The following CAMTA1 variants were observed in gnomAD, a reference collection of about 807,000 sequenced individuals.
CAMTA1 encodes calmodulin binding transcription activator 1, also known as calmodulin-binding transcription activator 1.
Under a neutral mutation model 170.9 loss-of-function variants are expected in CAMTA1, and 27 were observed. That is an observed-to-expected ratio of 0.16 (90% confidence interval 0.12 to 0.22). The LOEUF (loss-of-function observed/expected upper bound fraction) is 0.22, where lower values mean the gene tolerates loss of function less well. Among genes scored for constraint, CAMTA1 ranks in the 10% least tolerant of loss-of-function variants. The pLI is 1.00. For missense variants in CAMTA1, 1,619 were observed against 2,217.2 expected, an observed-to-expected ratio of 0.73 and a Z score of 5.42; for synonymous variants, 833 against 891.5, an observed-to-expected ratio of 0.93 and a Z score of 1.17.
chr1:7,005,491 T>G (rs919932054), intron 3 of CAMTA1, among the ~76,000 whole-genome samples: 1 of 152,258 alleles, frequency 6.6e-6, no homozygotes, highest in Non-Finnish European at 1.5e-5. Context: ...TGCTTTTCCC[T>G]TTCAAGAAAT....
At chr1:6,786,008 G>A (rs1639169672) in intron 1 of CAMTA1, among the ~76,000 whole-genome samples, 2 of 151,434 alleles carry the variant, frequency 1.3e-5, no homozygotes, top group South Asian at 4.1e-4. Context: ...TCCGCCTCGG[G>A]TCCTCCTGGC....
Position 7,443,067 on chromosome 1 carries a change from ACTT to A in CAMTA1, c.439-24759_439-24757del, listed in dbSNP as rs1202780239. The stretch of plus-strand genomic sequence containing the variant: ...TGCCCCTGCGCAGATCCTCCTCCTG[ACTT>A]CTTGGCCTCATTCACTCCAACAGAA... On this transcript the variant is annotated intron_variant, in intron 5 of 22. Transcript: ENST00000303635. This position sits in a 1 kb window ranked among gnomAD's most constrained non-coding sequence, Gnocchi z 4.1. Among the ~76,000 whole-genome samples the A allele has an allele frequency of 6.6e-6, 1 of 151,418 alleles. No individual in the cohort carries two copies. The highest frequency in any genetic ancestry group is 1.9e-4 in the East Asian group (1 of 5,178).
Position 7,736,630 on chromosome 1 carries a change from C to A in CAMTA1, c.3263+90C>A. 1 of 1,268,214 alleles carries A rather than the reference C, an allele frequency of 7.9e-7. No individual in the cohort carries two copies. The highest frequency in any genetic ancestry group is 1.1e-6 in the Non-Finnish European group (1 of 879,270). The allele number at this position is 1,268,214 out of a possible 1,614,324, so 78.6% of individuals were successfully genotyped here. On this transcript the variant is annotated intron_variant, in intron 13 of 22. Coordinates refer to ENST00000303635, the MANE Select transcript of CAMTA1 (RefSeq NM_015215.4). The surrounding 1 kb of genome is among the most constrained non-coding windows in gnomAD (Gnocchi z 4.5). ...CACTGCCACCCGTGGAAGAAATCTA[C>A]CCATTCAGTCCACTTTATAGCCGGC...
At chr1:7,663,134 T>C (rs770087677) in intron 8 of CAMTA1, among the ~76,000 whole-genome samples, 17 of 152,058 alleles carry the variant, frequency 1.1e-4, no homozygotes, top group Non-Finnish European at 2.2e-4. Context: ...TGGAGGAGGG[T>C]CAAAGGGGCG....
chr1:7,208,020 G>T (rs925954969), intron 4 of CAMTA1, among the ~76,000 whole-genome samples: 1 of 152,228 alleles, frequency 6.6e-6, no homozygotes, highest in Admixed American at 6.5e-5. Flanking sequence ...TTATAAAAGG[G>T]TAACACATCC....
intron 4 of CAMTA1, among the ~76,000 whole-genome samples, chr1:7,190,851 G>T (rs1654386042): frequency 6.6e-6 from 1 of 152,054 alleles, no homozygotes; most frequent in Non-Finnish European, 1.5e-5. Context: ...TATGAAGGAG[G>T]TTATCCATGT....
intron 3 of CAMTA1, among the ~76,000 whole-genome samples, chr1:6,910,357 C>T (rs917842024): frequency 6.6e-6 from 1 of 152,196 alleles, no homozygotes; most frequent in Non-Finnish European, 1.5e-5. Context: ...CTTCTTTTTA[C>T]CCCAGTTTTC....
At chr1:7,086,413 CCTT>C (rs1226795054) in intron 3 of CAMTA1, among the ~76,000 whole-genome samples, 2 of 152,056 alleles carry the variant, frequency 1.3e-5, no homozygotes. Flanking sequence ...GTTGATGCCT[CCTT>C]CTTCTTTTTA....
chr1:7,420,185 C>G (rs564875415), intron 5 of CAMTA1, among the ~76,000 whole-genome samples: 1 of 152,098 alleles, frequency 6.6e-6, no homozygotes, highest in Non-Finnish European at 1.5e-5. Flanking sequence ...TTCACACTCA[C>G]GAGCCCATCC....
intron 12 of CAMTA1, among the ~76,000 whole-genome samples, chr1:7,733,138 G>T (rs565014973): frequency 1.5e-3 from 227 of 152,130 alleles, no homozygotes; most frequent in South Asian, 2.9e-3. Flanking sequence ...GGAGGTTGAG[G>T]CTGCAGTGAG....
chr1:7,101,157 G>A (rs143248418), intron 4 of CAMTA1, among the ~76,000 whole-genome samples: 21 of 152,298 alleles, frequency 1.4e-4, no homozygotes, highest in East Asian at 3.9e-4. Context: ...CGCAGGCCCC[G>A]CAGTTTATTC....
chr1:7,129,654 G>T (rs986568531), intron 4 of CAMTA1, among the ~76,000 whole-genome samples: 2 of 152,136 alleles, frequency 1.3e-5, no homozygotes, highest in Non-Finnish European at 2.9e-5. Flanking sequence ...AGATGTAATT[G>T]ATGTAAATAA....
intron 1 of CAMTA1, among the ~76,000 whole-genome samples, chr1:6,790,375 A>AGAGAGTGT (rs951990612): frequency 7.2e-6 from 1 of 139,060 alleles, no homozygotes; most frequent in African/African-American, 2.8e-5. Context: ...AGAGAGAGAG[A>AGAGAGTGT]GTGTGTGTGT....
intron 6 of CAMTA1, among the ~76,000 whole-genome samples, chr1:7,600,272 T>C (rs560914594): frequency 1.3e-5 from 2 of 152,226 alleles, no homozygotes; most frequent in Admixed American, 1.3e-4. Flanking sequence ...GAACCAGCCT[T>C]GCATCCCAGG....
At chr1:7,111,885 C>CAA (rs66460647) in intron 4 of CAMTA1, among the ~76,000 whole-genome samples, 28 of 75,660 alleles carry the variant, frequency 3.7e-4, no homozygotes, top group African/African-American at 9.1e-4. Flanking sequence ...ACTCCATCTC[C>CAA]AAAAAAAAAA....
intron 5 of CAMTA1, among the ~76,000 whole-genome samples, chr1:7,279,017 G>C (rs1482320996): frequency 6.6e-6 from 1 of 152,130 alleles, no homozygotes. Context: ...GGCATTTGGT[G>C]GGGGAAAGGG....
At chr1:7,268,619 C>CT (rs1222862183) in intron 5 of CAMTA1, among the ~76,000 whole-genome samples, 2 of 152,108 alleles carry the variant, frequency 1.3e-5, no homozygotes, top group African/African-American at 4.8e-5. Context: ...CAGACCTACC[C>CT]TAACAAAGCG....
chr1:7,131,103 G>A (rs1442471388), intron 4 of CAMTA1, among the ~76,000 whole-genome samples: 4 of 151,900 alleles, frequency 2.6e-5, no homozygotes, highest in Admixed American at 2.0e-4. Flanking sequence ...ACAGGCACGC[G>A]CCATCATGCC....
At chr1:7,258,969 A>G (rs114172107) in intron 5 of CAMTA1, among the ~76,000 whole-genome samples, 1,635 of 152,276 alleles carry the variant, frequency 0.011, 28 homozygotes, top group Admixed American at 0.04. Context: ...AAAAATCATG[A>G]GGAAAACAGG....
Sources: allele counts gnomAD v4.1 joint callset (sites outside exome capture counted in the v4.1 genomes callset), GRCh38; gene constraint gnomAD v4.1.1; non-coding constraint Gnocchi (gnomAD v3.1); transcripts MANE v1.5; gene names NCBI Gene and HGNC (gene_info 2026-07-23, HGNC 2026-07-21).